Variants in QKI observed in about 807,000 individuals in gnomAD.
The protein encoded by QKI is KH domain-containing RNA-binding protein QKI.
A neutral mutation model predicts 39.0 loss-of-function variants in QKI; 10 were observed. That is an observed-to-expected ratio of 0.26 (90% CI 0.16 to 0.43). The LOEUF is 0.43. Ranked by LOEUF, QKI falls within the 20% of genes least tolerant of loss-of-function variation. The pLI is 1.00. For synonymous variants in QKI, 204 were observed against 155.4 expected (o/e 1.31, Z -2.33); for missense variants, 218 against 428.0 (o/e 0.51, Z 4.33).
At chr6:163,567,436 G>A in intron 7 of QKI, 1 of 985,450 alleles carries the variant, frequency 1.0e-6, no homozygotes, top group Non-Finnish European at 1.2e-6. Context: ...TGGATCCTTT[G>A]ATTTTTGTCA....
intron 4 of QKI, among the ~76,000 whole-genome samples, chr6:163,552,079 A>T (rs1006151166): frequency 6.6e-6 from 1 of 152,160 alleles, no homozygotes; most frequent in African/African-American, 2.4e-5. Context: ...TATGTTATGT[A>T]TATTATATAC....
rs555322175 is a variant in QKI at position 163,495,107 on chromosome 6, G to A, written c.402+16211G>A. 2.6e-5 allele frequency among the ~76,000 whole-genome samples: 4 copies of A among 152,124 alleles called. No homozygotes were observed. The East Asian group carries it at 5.8e-4, about 22-fold the overall frequency. ...ATTTTTCTGTTTTTAGTAGAGACAA[G>A]GTTTCACCAGTTGGCCACGCTGGTC... On this transcript the variant is annotated intron_variant, in intron 3 of 7. Transcript: ENST00000361752.
intron 2 of QKI, among the ~76,000 whole-genome samples, chr6:163,467,547 C>T (rs1474310955): frequency 6.6e-6 from 1 of 152,154 alleles, no homozygotes; most frequent in Non-Finnish European, 1.5e-5. Flanking sequence ...CCTTTTCTTA[C>T]ACAGCACTTG....
chr6:163,509,712 A>C (rs1232526498), intron 3 of QKI, among the ~76,000 whole-genome samples: 1 of 152,180 alleles, frequency 6.6e-6, no homozygotes, highest in Non-Finnish European at 1.5e-5. Context: ...AAATGGAATT[A>C]TAAAATATAT....
At chr6:163,535,924 C>T (rs1430458465) in intron 4 of QKI, among the ~76,000 whole-genome samples, 1 of 151,842 alleles carries the variant, frequency 6.6e-6, no homozygotes, top group African/African-American at 2.4e-5. Context: ...AGAGTGAGAC[C>T]CTGTCTCAAA....
At chr6:163,567,279 C>G (rs2128251896) in intron 7 of QKI, 2 of 987,298 alleles carry the variant, frequency 2.0e-6, no homozygotes, top group African/African-American at 1.7e-5. Context: ...AATATTTGAG[C>G]CACTGTATAA....
At chr6:163,460,947 T>C (rs1484840031) in intron 2 of QKI, among the ~76,000 whole-genome samples, 1 of 152,224 alleles carries the variant, frequency 6.6e-6, no homozygotes, top group African/African-American at 2.4e-5. Flanking sequence ...TACAGAAATC[T>C]ATTTAAAGGT....
At chr6:163,449,286 T>C (rs1036964073) in intron 1 of QKI, among the ~76,000 whole-genome samples, 1 of 152,212 alleles carries the variant, frequency 6.6e-6, no homozygotes, top group African/African-American at 2.4e-5. Context: ...GTCGTTTTAC[T>C]GACAACTAAG....
chr6:163,545,010 T>C lies in QKI; in HGVS notation c.546+9885T>C, dbSNP rs371466327. Among the ~76,000 whole-genome samples the C allele has an allele frequency of 3.3e-5, 5 of 152,230 alleles. No individual in the cohort carries two copies. In the South Asian group the frequency reaches 1.0e-3, roughly 32 times the overall value. ...TAAAACTTGAGTCATGGACAGATAA[T>C]GTCCTAAAATCTCATTTAAGTGTAG... On this transcript the variant is annotated intron_variant, in intron 4 of 7. Transcript: ENST00000361752.
In QKI at chr6:163,572,010, A is replaced by T. The variant is rs562903219; in HGVS notation, c.*1300A>T. The T allele has an allele frequency of 6.2e-4, 94 of 152,340 alleles. No homozygotes were observed. The highest frequency in any genetic ancestry group is 2.1e-3 in the African/African-American group (87 of 41,588). The allele number at this position is 152,340 out of a possible 1,614,324, so 9.4% of individuals were successfully genotyped here. ...CAAATGAGTTGATAGTTTGAATTAT[A>T]GGATTTTTGCCACGTTACCTTGATG... On this transcript the variant is annotated 3_prime_UTR_variant, in exon 8 of 8. Transcript: ENST00000361752.
chr6:163,548,409 C>G (rs1397896739), intron 4 of QKI, among the ~76,000 whole-genome samples: 1 of 152,186 alleles, frequency 6.6e-6, no homozygotes, highest in African/African-American at 2.4e-5. Flanking sequence ...TCACTTACCC[C>G]TTTTTGCCTC....
rs192022200 is a variant in QKI, at chr6:163,558,292, A to G, written c.547-3690A>G. On this transcript the variant is annotated intron_variant, in intron 4 of 7. Transcript: ENST00000361752. ...TACCTTCAACAGTGTTTAGGCAGGT[A>G]CGTACTACCAAATCTCATTGTCAAA... Among the ~76,000 whole-genome samples the G allele has an allele frequency of 2.8e-3, 424 of 152,316 alleles. 1 individual carries two copies. Among genetic ancestry groups the G allele is most frequent in the African/African-American group, 9.9e-3 (410 of 41,588 alleles).
chr6:163,458,477 G>T (rs983291959), intron 2 of QKI, among the ~76,000 whole-genome samples: 5 of 152,112 alleles, frequency 3.3e-5, no homozygotes, highest in African/African-American at 1.2e-4. Flanking sequence ...AGTATTTGTT[G>T]CACATATTTG....
chr6:163,448,407 G>A lies in QKI; in HGVS notation c.143-6872G>A, dbSNP rs1171665543. 2.7e-5 allele frequency among the ~76,000 whole-genome samples: 4 copies of A among 150,692 alleles called. No homozygotes were observed. In the Admixed American group the frequency reaches 2.7e-4, roughly 10 times the overall value. On this transcript the variant is annotated intron_variant, in intron 1 of 7. Coordinates refer to ENST00000361752, the MANE Select transcript of QKI (RefSeq NM_006775.3). The stretch of plus-strand genomic sequence containing the variant: ...TTAAATCAGATTTATTTGGTTGTTA[G>A]AGTAAGCAAACATATTTCACTTAAT...
At chr6:163,437,323 TA>T (rs1435719569) in intron 1 of QKI, among the ~76,000 whole-genome samples, 1 of 152,252 alleles carries the variant, frequency 6.6e-6, no homozygotes, top group Non-Finnish European at 1.5e-5. Context: ...GTACTTATGT[TA>T]AAATTTTACT....
intron 1 of QKI, 188 bp from the exon 2 acceptor site, chr6:163,455,088 TAGA>T: frequency 2.5e-6 from 1 of 401,520 alleles, no homozygotes; most frequent in South Asian, 8.1e-5. Context: ...TGGTTTGTAG[TAGA>T]AATTAATTAA....
intron 3 of QKI, among the ~76,000 whole-genome samples, chr6:163,492,124 T>C (rs937158883): frequency 1.3e-5 from 2 of 152,236 alleles, no homozygotes; most frequent in African/African-American, 2.4e-5. Flanking sequence ...ATGTTGCTGA[T>C]GTGTATTAAT....
At chr6:163,553,825 A>G (rs911476010) in intron 4 of QKI, among the ~76,000 whole-genome samples, 3 of 152,194 alleles carry the variant, frequency 2.0e-5, no homozygotes, top group Non-Finnish European at 4.4e-5. Context: ...AGTTTTATAT[A>G]GTTTTAATGG....
At chr6:163,449,444 T>C (rs920898822) in intron 1 of QKI, among the ~76,000 whole-genome samples, 1 of 152,096 alleles carries the variant, frequency 6.6e-6, no homozygotes, top group Non-Finnish European at 1.5e-5. Flanking sequence ...AAACAGCAGA[T>C]AGATACCCAG....
Sources: gnomAD v4.1 joint callset for allele counts (sites outside exome capture counted in the v4.1 genomes callset) on GRCh38, gnomAD v4.1.1 for gene constraint, MANE v1.5 for transcripts, NCBI Gene and HGNC (gene_info 2026-07-23, HGNC 2026-07-21) for gene names.